The following PDE10A variants were observed in gnomAD, a reference collection of about 807,000 sequenced individuals.
PDE10A encodes the protein phosphodiesterase 10A, also known as cAMP and cAMP-inhibited cGMP 3',5'-cyclic phosphodiesterase 10A.
PDE10A carries 39 observed loss-of-function variants against 97.7 expected under a neutral mutation model. That is an observed-to-expected ratio of 0.40 (90% confidence interval 0.31 to 0.52). The LOEUF is 0.52. Among genes scored for constraint, PDE10A ranks in the 20% least tolerant of loss-of-function variants. The pLI is 0.56. For missense variants in PDE10A, 731 were observed against 1,047.8 expected (o/e 0.70, Z 4.17); for synonymous variants, 371 against 376.8 (o/e 0.98, Z 0.18).
At chr6:165,386,671 A>G (rs59352376) in intron 17 of PDE10A, among the ~76,000 whole-genome samples, 31,751 of 152,076 alleles carry the variant, frequency 0.21, 4,255 homozygotes, top group African/African-American at 0.37. Context: ...ATATATGTAC[A>G]CATACATATA....
intron 14 of PDE10A, among the ~76,000 whole-genome samples, 165 bp downstream of exon 14, chr6:165,396,152 A>G (rs1289002193): frequency 6.6e-6 from 1 of 152,152 alleles, no homozygotes; most frequent in South Asian, 2.1e-4. Context: ...TCCAAATCCT[A>G]TCATAATATC....
chr6:165,659,075 G>A (rs901975865), intron 1 of PDE10A, among the ~76,000 whole-genome samples: 3 of 152,186 alleles, frequency 2.0e-5, no homozygotes, highest in African/African-American at 7.2e-5. Flanking sequence ...TTTGGTGCAT[G>A]AGTGAGCGAA....
chr6:165,867,188 T>C (rs79892687), intron 1 of PDE10A, among the ~76,000 whole-genome samples: 1 of 147,926 alleles, frequency 6.8e-6, no homozygotes, highest in Non-Finnish European at 1.5e-5. Context: ...ACCATAAATG[T>C]AAATGGTTTA....
chr6:165,603,763 A>G (rs1013793966), intron 1 of PDE10A, among the ~76,000 whole-genome samples: 2 of 152,358 alleles, frequency 1.3e-5, no homozygotes, highest in South Asian at 4.1e-4. Flanking sequence ...AAGTTCAATG[A>G]CGTATGTGTT....
chr6:165,934,488 C>T (rs540643451), intron 1 of PDE10A, among the ~76,000 whole-genome samples: 41 of 152,120 alleles, frequency 2.7e-4, no homozygotes, highest in Non-Finnish European at 5.3e-4. Flanking sequence ...AAAAAAAACC[C>T]TCTGGATCCA....
rs144934660 is a variant in PDE10A, at chr6:165,725,854, C to T, written c.-614-182286G>A. 3.0e-4 allele frequency among the ~76,000 whole-genome samples: 45 copies of T among 152,214 alleles called. 1 individual carries two copies. In the East Asian group the frequency reaches 7.7e-3, roughly 26 times the overall value. On this transcript the variant is annotated intron_variant, in intron 1 of 19. Transcript: ENST00000366882. ...CCAACTTGTCCTCCCAGCTCCATGC[C>T]ATCCTCAGCAAACTTTCAATGTGGC... is the stretch of plus-strand genomic sequence containing the variant.
intron 1 of PDE10A, among the ~76,000 whole-genome samples, chr6:165,657,459 T>C (rs1296263610): frequency 6.6e-6 from 1 of 152,276 alleles, no homozygotes. Flanking sequence ...TTCTCTCAGA[T>C]TGCATCAGCT....
intron 1 of PDE10A, among the ~76,000 whole-genome samples, chr6:165,566,782 A>T (rs1784798210): frequency 6.6e-6 from 1 of 152,184 alleles, no homozygotes; most frequent in Non-Finnish European, 1.5e-5. Flanking sequence ...AAGGAAACTC[A>T]ACTCTAGTAA....
At chr6:165,894,455 A>G (rs1365832033) in intron 1 of PDE10A, 1 of 456,002 alleles carries the variant, frequency 2.2e-6, no homozygotes, top group Non-Finnish European at 4.4e-6. Context: ...CAAAAAATCA[A>G]TTGAACAAGT....
At chr6:165,850,141 G>C (rs994613072) in intron 1 of PDE10A, among the ~76,000 whole-genome samples, 1 of 152,122 alleles carries the variant, frequency 6.6e-6, no homozygotes, top group Non-Finnish European at 1.5e-5. Context: ...GTGTGAAACC[G>C]TGCTGATCCG....
chr6:165,641,806 G>A (rs1562652416), intron 1 of PDE10A, among the ~76,000 whole-genome samples: 1 of 152,186 alleles, frequency 6.6e-6, no homozygotes, highest in Non-Finnish European at 1.5e-5. Flanking sequence ...GAGAACCAAG[G>A]AAGATGAGGA....
intron 1 of PDE10A, among the ~76,000 whole-genome samples, chr6:165,623,477 T>C (rs1002150136): frequency 6.7e-6 from 1 of 149,224 alleles, no homozygotes; most frequent in Admixed American, 6.7e-5. Context: ...ACCTATGACA[T>C]AGGAATTGAT....
intron 1 of PDE10A, among the ~76,000 whole-genome samples, chr6:165,668,663 A>T (rs1790556462): frequency 6.6e-6 from 1 of 152,004 alleles, no homozygotes; most frequent in Non-Finnish European, 1.5e-5. Flanking sequence ...CTTTACAGAG[A>T]AAGAAAGAAA....
intron 2 of PDE10A, among the ~76,000 whole-genome samples, chr6:165,489,910 A>C (rs762956754): frequency 1.3e-5 from 2 of 152,244 alleles, no homozygotes; most frequent in Admixed American, 6.5e-5. Context: ...AAAAGAATTT[A>C]ATAAATGAAC....
At chr6:165,426,076 G>T (rs1447296350) in intron 10 of PDE10A, among the ~76,000 whole-genome samples, 1 of 152,074 alleles carries the variant, frequency 6.6e-6, no homozygotes, top group Non-Finnish European at 1.5e-5. Context: ...TCACGTTCGT[G>T]TATTAGAAGT....
At chr6:165,770,701 C>T in intron 1 of PDE10A, among the ~76,000 whole-genome samples, 1 of 152,214 alleles carries the variant, frequency 6.6e-6, no homozygotes, top group Non-Finnish European at 1.5e-5. Context: ...GCCTCATCAT[C>T]TCTGCTCTAA....
chr6:165,723,609 A>C lies in PDE10A; in HGVS notation c.-614-180041T>G, dbSNP rs558751627. 8.5e-5 allele frequency among the ~76,000 whole-genome samples: 13 copies of C among 152,340 alleles called. No homozygotes were observed. In the South Asian group the frequency reaches 2.7e-3, roughly 32 times the overall value. The stretch of plus-strand genomic sequence containing the variant: ...CATTTCACCATGCTCAAAATAGAGC[A>C]TGTTTTGCCATAGCTGCTACCAATC... On this transcript the variant is annotated intron_variant, in intron 1 of 19. Coordinates refer to the PDE10A transcript ENST00000366882.
intron 1 of PDE10A, among the ~76,000 whole-genome samples, chr6:165,681,730 A>G (rs1448571253): frequency 1.3e-5 from 2 of 152,170 alleles, no homozygotes; most frequent in Non-Finnish European, 2.9e-5. Flanking sequence ...TGTTTACTCA[A>G]AATCACCTCT....
intron 9 of PDE10A, among the ~76,000 whole-genome samples, chr6:165,429,233 GTATA>G (rs1351759637): frequency 3.3e-5 from 5 of 151,986 alleles, no homozygotes; most frequent in Non-Finnish European, 7.4e-5. Context: ...CTTTATATGA[GTATA>G]TATTCATTGT....
Sources: gnomAD v4.1 joint callset for allele counts (sites outside exome capture counted in the v4.1 genomes callset) on GRCh38, gnomAD v4.1.1 for gene constraint, MANE v1.5 for transcripts, NCBI Gene and HGNC (gene_info 2026-07-23, HGNC 2026-07-21) for gene names.